SOCS2: variants seen among roughly 807,000 people sequenced by gnomAD.
The protein encoded by SOCS2 is suppressor of cytokine signaling 2, also known as CIS-2.
Under a neutral mutation model 18.6 loss-of-function variants are expected in SOCS2, and 10 were observed. That is an observed-to-expected ratio of 0.54 (90% CI 0.33 to 0.91). SOCS2 has a LOEUF of 0.91. Ranked by LOEUF, SOCS2 falls within the 40% of genes least tolerant of loss-of-function variation. SOCS2 has a pLI of 0.02. For missense variants in SOCS2, 231 were observed against 247.2 expected, an observed-to-expected ratio of 0.93 and a Z score of 0.44; for synonymous variants, 104 against 104.0, an observed-to-expected ratio of 1.00 and a Z score of 0.00.
chr12:93,614,539 C>CTTT, the SOCS2 span, among the ~76,000 whole-genome samples: 7 of 82,542 alleles, frequency 8.5e-5, no homozygotes, highest in East Asian at 7.4e-4. Flanking sequence ...TTCCTTCCTT[C>CTTT]CTTCTTTCTT....
the SOCS2 span, among the ~76,000 whole-genome samples, chr12:93,616,271 T>C: frequency 6.6e-6 from 1 of 152,178 alleles, no homozygotes; most frequent in Non-Finnish European, 1.5e-5. Flanking sequence ...AGATTCAAGC[T>C]TGAGACTGTA....
downstream of SOCS2, chr12:93,576,779 A>G (rs1954472103): frequency 6.6e-6 from 1 of 152,252 alleles, no homozygotes; most frequent in African/African-American, 2.4e-5. Context: ...AAGTTGAAAA[A>G]TGGTTTTGTG....
chr12:93,613,780 G>A, the SOCS2 span, among the ~76,000 whole-genome samples: 1 of 152,038 alleles, frequency 6.6e-6, no homozygotes, highest in African/African-American at 2.4e-5. Flanking sequence ...AATATTGGTG[G>A]CAATAATATA....
the SOCS2 span, among the ~76,000 whole-genome samples, chr12:93,624,201 A>G: frequency 0.05 from 7,620 of 152,260 alleles, 363 homozygotes; most frequent in African/African-American, 0.12. Flanking sequence ...CCATCTTGAA[A>G]GCAAAGACTA....
chr12:93,572,958 G>A lies in SOCS2; in HGVS notation c.61G>A (p.Gly21Arg). 6.4e-7 allele frequency: 1 copy of A among 1,568,630 alleles called. No individual in the cohort carries two copies. The highest frequency in any genetic ancestry group is 8.6e-7 in the Non-Finnish European group (1 of 1,156,642). The part of the protein sequence containing the change: ...NGGEGTRSQW[G>R]TAGSAEEPSP... ...CGGGGAAGGGACGCGGAGCCAGTGGGGGACCGCGGGGTCGGCGGAGGAGCC... is the reference window on the plus strand; with the variant it reads ...CGGGGAAGGGACGCGGAGCCAGTGGAGGACCGCGGGGTCGGCGGAGGAGCC... Residue 21 changes from glycine to arginine, a missense_variant, in exon 1 of 2, where the codon GGG (glycine) becomes AGG (arginine). Coordinates refer to ENST00000551556, the MANE Select transcript of SOCS2 (RefSeq NM_001270471.2). The surrounding 1 kb of genome is among the most constrained non-coding windows in gnomAD (Gnocchi z 5.0).
At chr12:93,571,812 G>A, upstream of SOCS2, 1 of 410,902 alleles carries the variant, frequency 2.4e-6, no homozygotes, top group Non-Finnish European at 4.8e-6. Context: ...CTCCTCTCCC[G>A]GGCCCCTCCC....
At chr12:93,571,287 C>CGA (rs1954242349), upstream of SOCS2, 2 of 152,326 alleles carry the variant, frequency 1.3e-5, no homozygotes, top group Non-Finnish European at 2.9e-5. Flanking sequence ...CGAGGCGCGG[C>CGA]CGCGTGCGCC....
the SOCS2 span, among the ~76,000 whole-genome samples, chr12:93,604,917 C>T: frequency 1.3e-5 from 2 of 151,818 alleles, no homozygotes; most frequent in Admixed American, 6.6e-5. Flanking sequence ...TGCCTTGGCC[C>T]CCGCAAAGTG....
chr12:93,595,529 T>C, the SOCS2 span, among the ~76,000 whole-genome samples: 2 of 152,240 alleles, frequency 1.3e-5, no homozygotes, highest in African/African-American at 4.8e-5. Flanking sequence ...GCTGGAATGC[T>C]TTTCTTCGGC....
At chr12:93,595,249 A>C in the SOCS2 span, among the ~76,000 whole-genome samples, 1 of 152,188 alleles carries the variant, frequency 6.6e-6, no homozygotes, top group Non-Finnish European at 1.5e-5. Flanking sequence ...ACTTTAGGAA[A>C]TGCTTCACAT....
At chr12:93,579,214 G>C (rs1403048174), downstream of SOCS2, among the ~76,000 whole-genome samples, 1 of 152,206 alleles carries the variant, frequency 6.6e-6, no homozygotes, top group African/African-American at 2.4e-5. Context: ...ATAAGGGATA[G>C]TTAATTCCTG....
At chr12:93,614,401 CTTTCTTTCTTTCTTT>C in the SOCS2 span, among the ~76,000 whole-genome samples, 3 of 141,496 alleles carry the variant, frequency 2.1e-5, no homozygotes, top group South Asian at 7.0e-4. Flanking sequence ...TTCTTTCTTT[CTTTCTTTCTTTCTTT>C]CTTCCTTTCT....
chr12:93,604,940 G>T, the SOCS2 span, among the ~76,000 whole-genome samples: 4 of 151,572 alleles, frequency 2.6e-5, no homozygotes, highest in Non-Finnish European at 1.5e-5. Flanking sequence ...AGGATTACAG[G>T]TGTCAGCCAC....
chr12:93,590,538 T>G, the SOCS2 span, among the ~76,000 whole-genome samples: 1 of 151,876 alleles, frequency 6.6e-6, no homozygotes, highest in African/African-American at 2.4e-5. Flanking sequence ...GGCTCAGGCC[T>G]GTAATCCCAG....
At chr12:93,571,438 CTTTTT>C (rs561011673), upstream of SOCS2, 1 of 152,518 alleles carries the variant, frequency 6.6e-6, no homozygotes. Context: ...TCTGGAGTTT[CTTTTT>C]TTTATTTCCC....
chr12:93,621,161 T>C, the SOCS2 span, among the ~76,000 whole-genome samples: 8 of 152,242 alleles, frequency 5.3e-5, no homozygotes, highest in African/African-American at 1.9e-4. Context: ...TGTATCATTA[T>C]ACTGATCACC....
chr12:93,623,424 T>G, the SOCS2 span, among the ~76,000 whole-genome samples: 1 of 151,992 alleles, frequency 6.6e-6, no homozygotes, highest in Admixed American at 6.6e-5. Context: ...ATTATCATTA[T>G]TTTTTAATTT....
downstream of SOCS2, among the ~76,000 whole-genome samples, chr12:93,588,193 G>T (rs886801200): frequency 1.3e-5 from 2 of 152,288 alleles, no homozygotes; most frequent in East Asian, 3.9e-4. Flanking sequence ...ATTAACAGAA[G>T]ATGTGAGTTT....
At chr12:93,581,552 G>A (rs1045038451), downstream of SOCS2, among the ~76,000 whole-genome samples, 25 of 152,090 alleles carry the variant, frequency 1.6e-4, no homozygotes, top group African/African-American at 6.0e-4. Flanking sequence ...TTCTTAGTAG[G>A]AAGGTGTTAG....
Sources: gnomAD v4.1 joint callset for allele counts (sites outside exome capture counted in the v4.1 genomes callset) on GRCh38, gnomAD v4.1.1 for gene constraint, Gnocchi (gnomAD v3.1) non-coding constraint, MANE v1.5 for transcripts, NCBI Gene and HGNC (gene_info 2026-07-23, HGNC 2026-07-21) for gene names.